The following CSNK1G1 variants were observed in gnomAD, a reference collection of about 807,000 sequenced individuals.
The protein encoded by CSNK1G1 is casein kinase 1 gamma 1, also known as casein kinase I isoform gamma-1.
In CSNK1G1, 22 loss-of-function variants were observed where a neutral mutation model predicts 59.6. The observed-to-expected ratio is 0.37, with a 90% confidence interval of 0.26 to 0.53. The LOEUF (loss-of-function observed/expected upper bound fraction) is 0.53, where lower values mean the gene tolerates loss of function less well. Ranked by LOEUF, CSNK1G1 falls within the 20% of genes least tolerant of loss-of-function variation. The pLI, the probability that CSNK1G1 is intolerant of heterozygous loss-of-function variation, is 0.89. For synonymous variants in CSNK1G1, 179 were observed against 177.1 expected (o/e 1.01, Z -0.08); for missense variants, 384 against 519.5 (o/e 0.74, Z 2.54).
intron 11 of CSNK1G1, among the ~76,000 whole-genome samples, chr15:64,178,891 C>T (rs2081774123): frequency 6.6e-6 from 1 of 151,976 alleles, no homozygotes; most frequent in East Asian, 1.9e-4. Context: ...CCTAGGACTA[C>T]AGGTGCATAC....
At chr15:64,295,357 A>T (rs1304087422) in intron 2 of CSNK1G1, among the ~76,000 whole-genome samples, 1 of 152,164 alleles carries the variant, frequency 6.6e-6, no homozygotes, top group Non-Finnish European at 1.5e-5. Flanking sequence ...ATGGGTTTAC[A>T]TCTTCCTCAT....
rs189035216 is a variant in CSNK1G1 at position 64,195,123 on chromosome 15, T to C, written c.1107+7959A>G. The C allele has an allele frequency of 7.2e-5, 11 of 152,364 alleles. No individual in the cohort carries two copies. In the East Asian group the frequency reaches 2.1e-3, roughly 29 times the overall value. The allele number at this position is 152,364 out of a possible 1,614,324, so 9.4% of individuals were successfully genotyped here. ...GAATAAATTCTTTCCCTTAAACATATGCTACGCATCTCTTTTCACATGGCG... is the reference window on the plus strand; with the variant it reads ...GAATAAATTCTTTCCCTTAAACATACGCTACGCATCTCTTTTCACATGGCG... On this transcript the variant is annotated intron_variant, in intron 10 of 11. Transcript: ENST00000303052.
chr15:64,270,353 T>C (rs1236514296), intron 2 of CSNK1G1, among the ~76,000 whole-genome samples: 1 of 152,146 alleles, frequency 6.6e-6, no homozygotes, highest in Admixed American at 6.6e-5. Flanking sequence ...AGCTGTGGGG[T>C]TGAATTGTTC....
chr15:64,300,411 C>A lies in CSNK1G1; in HGVS notation c.89G>T (p.Gly30Val). ...AAGAACCCCAGAGGACGATGAGGAG[C>A]CAGATGGTCGAGAGCAGTGTGCACT... The part of the protein sequence containing the change: ...QRSAHCSRPS[G>V]SSSSSGVLMV... Residue 30 changes from glycine to valine, a missense_variant, in exon 2 of 12, where the codon GGC (glycine) becomes GTC (valine). Transcript: ENST00000303052. 6.2e-7 allele frequency: 1 copy of A among 1,614,166 alleles called. No homozygotes were observed.
chr15:64,306,647 T>C (rs1026050723), intron 1 of CSNK1G1, among the ~76,000 whole-genome samples: 2 of 152,148 alleles, frequency 1.3e-5, no homozygotes, highest in Non-Finnish European at 2.9e-5. Context: ...CCAAATGAAA[T>C]GAAAACTTAA....
At chr15:64,212,608 G>A (rs1171993987) in intron 6 of CSNK1G1, among the ~76,000 whole-genome samples, 1 of 152,202 alleles carries the variant, frequency 6.6e-6, no homozygotes, top group East Asian at 1.9e-4. Context: ...CCTAGCTACT[G>A]AGGCTGAGAA....
intron 1 of CSNK1G1, among the ~76,000 whole-genome samples, chr15:64,344,064 T>C (rs754521496): frequency 6.6e-6 from 1 of 152,100 alleles, no homozygotes; most frequent in Non-Finnish European, 1.5e-5. Context: ...AGAAAAATAG[T>C]AATGTATAAA....
At chr15:64,245,320 TAAGAG>T (rs1230483908) in intron 4 of CSNK1G1, among the ~76,000 whole-genome samples, 2 of 152,122 alleles carry the variant, frequency 1.3e-5, no homozygotes, top group African/African-American at 4.8e-5. Flanking sequence ...ACCAGTAGAA[TAAGAG>T]AAAATATAAT....
chr15:64,314,708 A>G (rs755449393), intron 1 of CSNK1G1, among the ~76,000 whole-genome samples: 1 of 152,136 alleles, frequency 6.6e-6, no homozygotes, highest in African/African-American at 2.4e-5. Context: ...GATTCCACAC[A>G]TAAGTAAGAA....
Position 64,214,022 on chromosome 15 carries a change from T to C in CSNK1G1, c.547A>G (p.Ile183Val). 3 of 1,614,116 alleles carry C rather than the reference T, an allele frequency of 1.9e-6. No individual in the cohort carries two copies. Among genetic ancestry groups the C allele is most frequent in the Non-Finnish European group, 2.5e-6 (3 of 1,179,960 alleles). The change falls in exon 6 of 12, where the codon ATA becomes GTA. Residue 183 changes from isoleucine (I) to valine (V), a missense_variant. By Grantham distance (29) the Ile-to-Val change is conservative. This residue lies in a region of CSNK1G1 where 325 missense variants were observed against 440.9 expected (regional missense o/e 0.74). Coordinates refer to ENST00000303052, the MANE Select transcript of CSNK1G1 (RefSeq NM_022048.5). This position sits in a 1 kb window ranked among gnomAD's most constrained non-coding sequence, Gnocchi z 4.3. ...GRQGNKKEHVIHIIDFGLAKE... is the reference protein window; with the variant it reads ...GRQGNKKEHVVHIIDFGLAKE... ...GCCAGTCCAAAGTCTATAATGTGTA[T>C]AACATGCTCTTTCTTATTGCCTTGT...
intron 1 of CSNK1G1, among the ~76,000 whole-genome samples, chr15:64,345,215 G>T (rs569520847): frequency 6.6e-6 from 1 of 152,252 alleles, no homozygotes; most frequent in South Asian, 2.1e-4. Context: ...TAGTACTCAG[G>T]CTACATGAGA....
intron 1 of CSNK1G1, among the ~76,000 whole-genome samples, chr15:64,350,527 T>C (rs1898231173): frequency 6.6e-6 from 1 of 151,964 alleles, no homozygotes; most frequent in Non-Finnish European, 1.5e-5. Context: ...GTTTATCAAG[T>C]GAACAGTGAG....
At chr15:64,301,462 A>G (rs981479404) in intron 1 of CSNK1G1, among the ~76,000 whole-genome samples, 16 of 152,282 alleles carry the variant, frequency 1.1e-4, no homozygotes, top group South Asian at 2.1e-4. Flanking sequence ...AATGTTTGCA[A>G]TGAGATAATT....
Position 64,205,631 on chromosome 15 carries a change from G to A in CSNK1G1, c.766-682C>T, listed in dbSNP as rs1434889468. Among the ~76,000 whole-genome samples, 9 of 152,290 alleles carry A rather than the reference G, an allele frequency of 5.9e-5. No homozygotes were observed. In the South Asian group the frequency reaches 1.9e-3, roughly 32 times the overall value. On this transcript the variant is annotated intron_variant, in intron 7 of 11. Coordinates refer to ENST00000303052, the MANE Select transcript of CSNK1G1 (RefSeq NM_022048.5). Reference sequence around the variant, plus strand: ...CCTAGCTTGCTGCACTCAGACTTAAGCAATAGTGTTCTGAAGTAAATAGGA... The same window carrying A: ...CCTAGCTTGCTGCACTCAGACTTAAACAATAGTGTTCTGAAGTAAATAGGA...
intron 1 of CSNK1G1, among the ~76,000 whole-genome samples, chr15:64,331,034 A>G (rs1036783563): frequency 1.5e-5 from 2 of 132,044 alleles, no homozygotes; most frequent in African/African-American, 5.8e-5. Flanking sequence ...AGAGGATACA[A>G]ACAAATGGAA....
chr15:64,338,700 CAAAAAAAAAAAAAAAAAA>C (rs34206192), intron 1 of CSNK1G1, among the ~76,000 whole-genome samples: 1 of 31,532 alleles, frequency 3.2e-5, no homozygotes, highest in African/African-American at 1.9e-4. Flanking sequence ...AACTCGGTCT[CAAAAAAAAAAAAAAAAAA>C]AAAAAAAAAA....
At chr15:64,174,003 A>C (rs983253925) in intron 11 of CSNK1G1, among the ~76,000 whole-genome samples, 4 of 152,100 alleles carry the variant, frequency 2.6e-5, no homozygotes. Context: ...GGCAAATTAA[A>C]TCTCTATTTC....
At chr15:64,198,784 T>A (rs1596080158) in intron 10 of CSNK1G1, among the ~76,000 whole-genome samples, 1 of 150,326 alleles carries the variant, frequency 6.7e-6, no homozygotes, top group African/African-American at 2.4e-5. Context: ...AAATGTAATA[T>A]TAACATAGAC....
At chr15:64,349,891 A>C (rs1485600955) in intron 1 of CSNK1G1, among the ~76,000 whole-genome samples, 1 of 151,666 alleles carries the variant, frequency 6.6e-6, no homozygotes, top group Non-Finnish European at 1.5e-5. Context: ...CCTGAGCAAC[A>C]CACTGAGACC....
Sources: allele counts gnomAD v4.1 joint callset (sites outside exome capture counted in the v4.1 genomes callset), GRCh38; gene constraint gnomAD v4.1.1; regional missense constraint gnomAD v4.1.1; non-coding constraint Gnocchi (gnomAD v3.1); transcripts MANE v1.5; gene names NCBI Gene and HGNC (gene_info 2026-07-23, HGNC 2026-07-21).